The following PTPRC variants were observed in gnomAD, a reference collection of about 807,000 sequenced individuals.
PTPRC encodes the protein protein tyrosine phosphatase receptor type C, also known as receptor-type tyrosine-protein phosphatase C.
PTPRC carries 44 observed loss-of-function variants against 155.9 expected under a neutral mutation model. The ratio of observed to expected loss-of-function variants is 0.28; its 90% CI spans 0.22 to 0.36. The LOEUF (loss-of-function observed/expected upper bound fraction) is 0.36, where lower values mean the gene tolerates loss of function less well. Among genes scored for constraint, PTPRC ranks in the 10% least tolerant of loss-of-function variants. PTPRC has a pLI of 1.00. For synonymous variants in PTPRC, 525 were observed against 533.1 expected, an observed-to-expected ratio of 0.98 and a Z score of 0.21; for missense variants, 1,401 against 1,564.6, an observed-to-expected ratio of 0.90 and a Z score of 1.76.
chr1:198,707,682 A>G (rs1008792578), intron 9 of PTPRC, among the ~76,000 whole-genome samples: 6 of 152,252 alleles, frequency 3.9e-5, no homozygotes, highest in Admixed American at 2.6e-4. Context: ...TAAATTACCA[A>G]TTAAACACAG....
At chr1:198,750,862 C>T (rs1026529253) in intron 29 of PTPRC, among the ~76,000 whole-genome samples, 4 of 151,974 alleles carry the variant, frequency 2.6e-5, no homozygotes, top group African/African-American at 9.7e-5. Flanking sequence ...ACAGATTAGC[C>T]AGGATGCAGC....
At position 198,728,125 on chromosome 1, in the gene PTPRC, T is replaced by C. The variant is rs147468436; in HGVS notation, c.1721-215T>C. Among the ~76,000 whole-genome samples, 31 of 152,330 alleles carry C rather than the reference T, an allele frequency of 2.0e-4. No individual in the cohort carries two copies. The East Asian group carries it at 3.9e-3, about 19-fold the overall frequency. On this transcript the variant is annotated intron_variant, in intron 15 of 32. Coordinates refer to ENST00000442510, the MANE Select transcript of PTPRC (RefSeq NM_002838.5). ...ATTATTCTTCTATTCTTACTCTCCT[T>C]AAATATAAAATGTTTTCATTGGTTC... is the stretch of plus-strand genomic sequence containing the variant.
At chr1:198,704,599 C>A in intron 8 of PTPRC, 101 bp downstream of exon 8, 1 of 1,600,180 alleles carries the variant, frequency 6.2e-7, no homozygotes, top group African/African-American at 1.3e-5. Context: ...GTAAGCTAAA[C>A]TCACTGGCTC....
intron 28 of PTPRC, chr1:198,750,220 A>G (rs1655316908): frequency 2.2e-6 from 1 of 444,496 alleles, no homozygotes. Flanking sequence ...TTTATAGAGA[A>G]ACAAAAATGT....
intron 4 of PTPRC, among the ~76,000 whole-genome samples, chr1:198,697,300 C>T (rs530555722): frequency 2.6e-5 from 4 of 152,198 alleles, no homozygotes; most frequent in Admixed American, 6.5e-5. Context: ...GGGAGTCTTC[C>T]CATTTCTTTG....
chr1:198,674,585 A>C (rs1031634006), intron 2 of PTPRC, among the ~76,000 whole-genome samples: 5 of 149,518 alleles, frequency 3.3e-5, no homozygotes, highest in Non-Finnish European at 7.4e-5. Context: ...TAACATAATA[A>C]CTGGGGCTAT....
intron 2 of PTPRC, among the ~76,000 whole-genome samples, chr1:198,677,327 G>A (rs1033755367): frequency 6.6e-6 from 1 of 152,040 alleles, no homozygotes; most frequent in Admixed American, 6.5e-5. Context: ...GTGAGAGAGG[G>A]CCTTCATTAT....
At chr1:198,710,186 C>T (rs1459928510) in intron 11 of PTPRC, among the ~76,000 whole-genome samples, 1 of 152,106 alleles carries the variant, frequency 6.6e-6, no homozygotes. Context: ...TTTTCCAGCG[C>T]CATTTGCTGA....
At chr1:198,695,010 C>G (rs928797689) in intron 3 of PTPRC, 1 of 955,746 alleles carries the variant, frequency 1.0e-6, no homozygotes, top group Non-Finnish European at 1.2e-6. Context: ...TAGAAAATAA[C>G]ACACATAACA....
chr1:198,664,166 G>T (rs781382187), intron 2 of PTPRC, among the ~76,000 whole-genome samples: 28 of 152,294 alleles, frequency 1.8e-4, no homozygotes, highest in Non-Finnish European at 3.5e-4. Context: ...ATTGAGGACA[G>T]TGTGGGTTTT....
Position 198,756,228 on chromosome 1 carries a change from T to G in PTPRC, c.*47T>G. The G allele has an allele frequency of 1.9e-6, 3 of 1,608,142 alleles. No individual in the cohort carries two copies. Among genetic ancestry groups the G allele is most frequent in the Middle Eastern group, 1.7e-4 (1 of 6,044 alleles). ...CTCCAAACCTCCTGTTAGCTGTTAT[T>G]TCTATTTTTGTAGAAGTAGGAAGTG... On this transcript the variant is annotated 3_prime_UTR_variant, in exon 33 of 33. Coordinates refer to ENST00000442510, the MANE Select transcript of PTPRC (RefSeq NM_002838.5).
At chr1:198,701,756 T>A (rs1403502348) in intron 5 of PTPRC, among the ~76,000 whole-genome samples, 4 of 152,212 alleles carry the variant, frequency 2.6e-5, no homozygotes, top group Non-Finnish European at 4.4e-5. Context: ...TTCAAGCCAA[T>A]TTGATTTTTC....
Position 198,706,621 on chromosome 1 carries a change from T to C in PTPRC, c.686-113T>C, listed in dbSNP as rs76113427. 1.5e-3 allele frequency: 1,880 copies of C among 1,214,906 alleles called. 26 individuals carry two copies. The African/African-American group carries it at 0.024, about 15-fold the overall frequency. 75.3% of individuals were successfully genotyped at this position (1,214,906 alleles called of 1,614,324 possible). A position where few individuals can be genotyped will look rare whatever the true frequency, so the allele number is the denominator to read the frequency against. On this transcript the variant is annotated intron_variant, in intron 8 of 32. Coordinates refer to ENST00000442510, the MANE Select transcript of PTPRC (RefSeq NM_002838.5). ...ATGGAGGCACCTAATGTGTTTTTTC[T>C]TTTTCATGTTTTTTGGGGATATTTG...
intron 2 of PTPRC, among the ~76,000 whole-genome samples, chr1:198,656,375 G>A (rs1295533685): frequency 1.3e-5 from 2 of 152,108 alleles, no homozygotes; most frequent in Non-Finnish European, 2.9e-5. Context: ...AGTGAAAAGG[G>A]TCATAGGTAT....
intron 5 of PTPRC, among the ~76,000 whole-genome samples, chr1:198,700,448 C>T (rs1666408500): frequency 6.6e-6 from 1 of 152,182 alleles, no homozygotes; most frequent in Non-Finnish European, 1.5e-5. Flanking sequence ...GAATCAAACA[C>T]ATCAAATAGA....
Position 198,639,110 on chromosome 1 carries a change from T to G in PTPRC, c.-71T>G. The stretch of plus-strand genomic sequence containing the variant: ...TTAGGGTAACAGAGGAGGAAATTGT[T>G]CCTCGTCTGATAAGACAACAGTGGA... On this transcript the variant is annotated 5_prime_UTR_variant, in exon 1 of 33. Coordinates refer to ENST00000442510, the MANE Select transcript of PTPRC (RefSeq NM_002838.5). 1 of 665,822 alleles carries G rather than the reference T, an allele frequency of 1.5e-6. No individual in the cohort carries two copies. Among genetic ancestry groups the G allele is most frequent in the South Asian group, 1.6e-5 (1 of 60,670 alleles). 41.2% of individuals were successfully genotyped at this position (665,822 alleles called of 1,614,324 possible). A position where few individuals can be genotyped will look rare whatever the true frequency, so the allele number is the denominator to read the frequency against.
intron 18 of PTPRC, 46 bp from the exon 19 acceptor site, chr1:198,732,253 AT>A: frequency 1.4e-6 from 2 of 1,441,974 alleles, no homozygotes; most frequent in Non-Finnish European, 2.0e-6. Flanking sequence ...GGGGGAAATT[AT>A]TTTTCCTGAA....
intron 32 of PTPRC, among the ~76,000 whole-genome samples, chr1:198,755,352 A>T (rs1655588734): frequency 1.3e-5 from 2 of 149,162 alleles, no homozygotes; most frequent in Admixed American, 1.3e-4. Context: ...AAAGCTTTTA[A>T]TCATGTATGA....
intron 2 of PTPRC, among the ~76,000 whole-genome samples, chr1:198,671,778 T>C (rs908677724): frequency 3.3e-5 from 5 of 152,200 alleles, no homozygotes; most frequent in African/African-American, 9.7e-5. Context: ...CCTGAGCCAA[T>C]ATAACCTAGG....
Sources: gnomAD v4.1 joint callset for allele counts (sites outside exome capture counted in the v4.1 genomes callset) on GRCh38, gnomAD v4.1.1 for gene constraint, MANE v1.5 for transcripts, NCBI Gene and HGNC (gene_info 2026-07-23, HGNC 2026-07-21) for gene names.